The following SCN1A variants were observed in gnomAD, a reference collection of about 807,000 sequenced individuals.
SCN1A encodes sodium channel protein type 1 subunit alpha.
A neutral mutation model predicts 193.7 loss-of-function variants in SCN1A; 13 were observed. The observed-to-expected ratio is 0.07, with a 90% CI of 0.04 to 0.11. The LOEUF is 0.11. SCN1A is among the 10% of genes least tolerant of loss of function. SCN1A has a pLI of 1.00. For missense variants in SCN1A, 1,432 were observed against 2,451.1 expected, an observed-to-expected ratio of 0.58 and a Z score of 8.78; for synonymous variants, 781 against 843.6, an observed-to-expected ratio of 0.93 and a Z score of 1.29.
At chr2:166,001,618 C>CT (rs1690861364) in intron 24 of SCN1A, among the ~76,000 whole-genome samples, 1 of 151,478 alleles carries the variant, frequency 6.6e-6, no homozygotes, top group Non-Finnish European at 1.5e-5. Flanking sequence ...AATCTGGACT[C>CT]TTATTTTATT....
intron 2 of SCN1A, among the ~76,000 whole-genome samples, chr2:166,107,050 A>C (rs1259092552): frequency 6.6e-6 from 1 of 152,286 alleles, no homozygotes; most frequent in Admixed American, 6.5e-5. Flanking sequence ...CATTTTATTT[A>C]TATTCATCAG....
chr2:166,127,656 C>T (rs1691404176), intron 1 of SCN1A, 115 bp downstream of exon 1: 1 of 152,136 alleles, frequency 6.6e-6, no homozygotes, highest in African/African-American at 2.4e-5. Context: ...TCTGAATACA[C>T]ATACAAAAAT....
rs1250844959 is a variant in SCN1A at position 166,056,416 on chromosome 2, A to G, written c.468T>C (p.Asn156=). The change falls in exon 6 of 29, where the codon AAT becomes AAC. Residue 156 remains asparagine (N), a synonymous_variant. Coordinates refer to ENST00000674923, the MANE Select transcript of SCN1A (RefSeq NM_001165963.4). ...TMSNPPDWTK[N]VEYTFTGIYT... ...AAAATATAAGTTGAACTTACTCTACATTCTTTGTCCAATCAGGAGGGTTAC... is the reference window on the plus strand; with the variant it reads ...AAAATATAAGTTGAACTTACTCTACGTTCTTTGTCCAATCAGGAGGGTTAC... 2 of 1,576,940 alleles carry G rather than the reference A, an allele frequency of 1.3e-6. No individual in the cohort carries two copies. Among genetic ancestry groups the G allele is most frequent in the African/African-American group, 2.7e-5 (2 of 73,996 alleles).
At position 166,046,862 on chromosome 2, in the gene SCN1A, G is replaced by C. The variant is rs1455927233; in HGVS notation, c.1285C>G (p.Gln429Glu). 2 of 1,613,978 alleles carry C rather than the reference G, an allele frequency of 1.2e-6. No individual in the cohort carries two copies. The highest frequency in any genetic ancestry group is 1.7e-6 in the Non-Finnish European group (2 of 1,179,906). Residue 429 changes from glutamine to glutamate, a missense_variant, in exon 12 of 29, where the codon CAG becomes GAG. Coordinates refer to ENST00000674923, the MANE Select transcript of SCN1A (RefSeq NM_001165963.4). ...GCTTCTTCCAAGGTGGCCTGATTCT[G>C]TTCCTCGTAGGCCATGGCCACCACA... ...LAVVAMAYEE[Q>E]NQATLEEAEQ...
chr2:166,016,219 T>G, intron 19 of SCN1A: 1 of 164,994 alleles, frequency 6.1e-6, no homozygotes, highest in South Asian at 1.6e-4. Context: ...GATTCATGGT[T>G]AAGGTGTTCA....
At chr2:166,123,888 A>G (rs1370312261) in intron 2 of SCN1A, among the ~76,000 whole-genome samples, 3 of 152,124 alleles carry the variant, frequency 2.0e-5, no homozygotes, top group African/African-American at 4.8e-5. Flanking sequence ...TTTTACTTTC[A>G]GGATCACCCA....
chr2:165,985,307 G>A (rs1034871952), downstream of SCN1A: 2 of 149,756 alleles, frequency 1.3e-5, no homozygotes, highest in African/African-American at 4.9e-5. Context: ...GGAAGGGAGA[G>A]AGGGAGGAAG....
chr2:166,087,100 G>T (rs1407008304), intron 2 of SCN1A, among the ~76,000 whole-genome samples: 1 of 151,094 alleles, frequency 6.6e-6, no homozygotes, highest in African/African-American at 2.4e-5. Flanking sequence ...CTCATGAATG[G>T]TTTTTGCCTC....
At chr2:165,999,134 AG>A (rs1343656313) in intron 25 of SCN1A, 1 of 151,532 alleles carries the variant, frequency 6.6e-6, no homozygotes, top group Non-Finnish European at 1.5e-5. Flanking sequence ...CAAATAAAAT[AG>A]GTTTATATTT....
intron 2 of SCN1A, among the ~76,000 whole-genome samples, chr2:166,118,298 G>GCTTCTTC (rs371947861): frequency 4.5e-5 from 2 of 44,696 alleles, no homozygotes; most frequent in African/African-American, 1.5e-4. Context: ...TTTCTATTTA[G>GCTTCTTC]TTTCTTTTTT....
chr2:166,136,292 C>T (rs55668382), intron 1 of SCN1A, among the ~76,000 whole-genome samples: 48,885 of 151,950 alleles, frequency 0.32, 8,034 homozygotes, highest in South Asian at 0.38. Context: ...GTTTCTGCTT[C>T]CCTTATTCTT....
intron 2 of SCN1A, among the ~76,000 whole-genome samples, chr2:166,100,221 C>T (rs201805646): frequency 0.18 from 18,821 of 102,296 alleles, 1,884 homozygotes; most frequent in African/African-American, 0.26. Flanking sequence ...TATCTACAAC[C>T]ATCTGATCTT....
At chr2:166,120,946 T>C (rs956950621) in intron 2 of SCN1A, among the ~76,000 whole-genome samples, 1 of 151,258 alleles carries the variant, frequency 6.6e-6, no homozygotes, top group African/African-American at 2.4e-5. Flanking sequence ...CCAATTTTGT[T>C]TGGGTTGAAT....
chr2:166,084,218 CTTT>C (rs57907653), intron 2 of SCN1A, among the ~76,000 whole-genome samples: 25 of 127,298 alleles, frequency 2.0e-4, no homozygotes, highest in African/African-American at 3.4e-4. Context: ...TCTCAATTTT[CTTT>C]TTTTTTTTTT....
At chr2:166,002,284 T>C (rs1404686954) in intron 24 of SCN1A, among the ~76,000 whole-genome samples, 188 bp downstream of exon 24, 1 of 151,746 alleles carries the variant, frequency 6.6e-6, no homozygotes, top group African/African-American at 2.4e-5. Context: ...CTACTGACTA[T>C]ATCTGCAGTC....
At chr2:165,985,100 A>G (rs1039911507), downstream of SCN1A, 2 of 152,176 alleles carry the variant, frequency 1.3e-5, no homozygotes, top group East Asian at 1.9e-4. Flanking sequence ...ATTTTTTAAG[A>G]TTAGAAAAAC....
chr2:166,125,407 T>C (rs1691125110), intron 2 of SCN1A, among the ~76,000 whole-genome samples: 1 of 152,188 alleles, frequency 6.6e-6, no homozygotes, highest in African/African-American at 2.4e-5. Context: ...GTCCCCAGGC[T>C]AAATTTTGGA....
chr2:166,035,087 CTTG>C (rs968210546), intron 19 of SCN1A, among the ~76,000 whole-genome samples: 4 of 152,154 alleles, frequency 2.6e-5, no homozygotes, highest in Admixed American at 6.6e-5. Flanking sequence ...AAGAATATTT[CTTG>C]TTGTTAAGTT....
intron 19 of SCN1A, among the ~76,000 whole-genome samples, chr2:166,034,940 T>C (rs1483025368): frequency 1.3e-5 from 2 of 152,212 alleles, no homozygotes; most frequent in Non-Finnish European, 2.9e-5. Context: ...TGCTGGTATC[T>C]TGATCTTGGA....
Sources: allele counts gnomAD v4.1 joint callset (sites outside exome capture counted in the v4.1 genomes callset), GRCh38; gene constraint gnomAD v4.1.1; transcripts MANE v1.5; gene names NCBI Gene and HGNC (gene_info 2026-07-23, HGNC 2026-07-21).